Variants in ALPK2 observed in about 807,000 individuals in gnomAD.
ALPK2 encodes the protein alpha-protein kinase 2.
A neutral mutation model predicts 163.1 loss-of-function variants in ALPK2; 127 were observed. That is an observed-to-expected ratio of 0.78 (90% CI 0.67 to 0.90). ALPK2 has a LOEUF of 0.90. ALPK2 is among the 40% of genes least tolerant of loss of function. The pLI, the probability that ALPK2 is intolerant of heterozygous loss-of-function variation, is 0.00. For missense variants in ALPK2, 2,360 were observed against 2,589.6 expected (o/e 0.91, Z 1.92); for synonymous variants, 953 against 959.1 (o/e 0.99, Z 0.12).
At position 58,620,001 on chromosome 18, in the gene ALPK2, A is replaced by T. The variant is rs147630749; in HGVS notation, c.-20-8184T>A. On this transcript the variant is annotated intron_variant, in intron 1 of 12. Transcript: ENST00000361673. Reference sequence around the variant, plus strand: ...ACTGAGCAATAACAAAGAACAAACTATGGATACGGTGGGGCGCGGTGGCTC... The same window carrying T: ...ACTGAGCAATAACAAAGAACAAACTTTGGATACGGTGGGGCGCGGTGGCTC... Among the ~76,000 whole-genome samples the T allele has an allele frequency of 3.6e-3, 555 of 152,334 alleles. 3 individuals carry two copies. The highest frequency in any genetic ancestry group is 0.012 in the African/African-American group (511 of 41,586).
At chr18:58,565,354 T>G (rs2051846219) in intron 4 of ALPK2, among the ~76,000 whole-genome samples, 1 of 152,230 alleles carries the variant, frequency 6.6e-6, no homozygotes, top group Non-Finnish European at 1.5e-5. Context: ...TTTGCCAAAT[T>G]AATCTTACTG....
chr18:58,594,059 A>G (rs2052029482), intron 3 of ALPK2, among the ~76,000 whole-genome samples: 1 of 151,646 alleles, frequency 6.6e-6, no homozygotes. Flanking sequence ...ACTCAGAAGC[A>G]CTGAACTAAA....
At chr18:58,490,078 AAAG>A (rs1273938720) in intron 12 of ALPK2, among the ~76,000 whole-genome samples, 16 of 152,152 alleles carry the variant, frequency 1.1e-4, no homozygotes, top group Non-Finnish European at 8.8e-5. Flanking sequence ...CTCAAAAAAA[AAAG>A]AAAGAAAAAA....
intron 4 of ALPK2, among the ~76,000 whole-genome samples, chr18:58,563,818 C>T (rs1465692755): frequency 6.6e-6 from 1 of 152,212 alleles, no homozygotes; most frequent in African/African-American, 2.4e-5. Flanking sequence ...TGAAAAGACT[C>T]TTGTCCCGAT....
At chr18:58,623,745 C>G (rs6566988) in intron 1 of ALPK2, among the ~76,000 whole-genome samples, 14 of 152,186 alleles carry the variant, frequency 9.2e-5, no homozygotes, top group Non-Finnish European at 1.8e-4. Context: ...GGATTACAGG[C>G]GGCTCACGCC....
At chr18:58,517,728 T>G (rs1423838299) in intron 8 of ALPK2, among the ~76,000 whole-genome samples, 1 of 152,186 alleles carries the variant, frequency 6.6e-6, no homozygotes, top group Non-Finnish European at 1.5e-5. Flanking sequence ...TAACTTTTTT[T>G]TTGCCTCCCA....
intron 3 of ALPK2, among the ~76,000 whole-genome samples, chr18:58,602,933 T>C (rs2052078713): frequency 6.6e-6 from 1 of 152,206 alleles, no homozygotes; most frequent in Non-Finnish European, 1.5e-5. Context: ...ACCAGCACCA[T>C]GACAGTTTAC....
chr18:58,623,614 C>T (rs2052213728), intron 1 of ALPK2, among the ~76,000 whole-genome samples: 1 of 152,176 alleles, frequency 6.6e-6, no homozygotes, highest in African/African-American at 2.4e-5. Flanking sequence ...TACAGGCATG[C>T]ACCACCATGC....
intron 4 of ALPK2, chr18:58,557,101 A>C (rs549126269): frequency 6.6e-6 from 1 of 152,286 alleles, no homozygotes; most frequent in South Asian, 2.1e-4. Flanking sequence ...AGACCGTCCA[A>C]TGAGTGGCAT....
At chr18:58,506,512 A>C (rs1340746646) in intron 10 of ALPK2, among the ~76,000 whole-genome samples, 1 of 152,118 alleles carries the variant, frequency 6.6e-6, no homozygotes, top group Non-Finnish European at 1.5e-5. Context: ...AGCTTGTGAA[A>C]ACTGAAACAA....
At chr18:58,493,362 AC>A (rs144737413) in intron 12 of ALPK2, among the ~76,000 whole-genome samples, 1,852 of 151,818 alleles carry the variant, frequency 0.012, 34 homozygotes, top group African/African-American at 0.041. Flanking sequence ...CCACTCATGC[AC>A]ATAAGCCTAT....
intron 8 of ALPK2, among the ~76,000 whole-genome samples, chr18:58,521,650 A>G (rs796713680): frequency 7.9e-3 from 139 of 17,700 alleles, no homozygotes; most frequent in African/African-American, 0.023. Flanking sequence ...TTTTTTTGAG[A>G]TGGAGTCTTG....
chr18:58,543,147 C>T (rs1366393879), intron 4 of ALPK2, among the ~76,000 whole-genome samples: 2 of 152,106 alleles, frequency 1.3e-5, no homozygotes, highest in African/African-American at 2.4e-5. Context: ...CGTGCTTAGC[C>T]CCCTCGCCAT....
At chr18:58,517,726 T>A (rs2051529854) in intron 8 of ALPK2, among the ~76,000 whole-genome samples, 1 of 152,188 alleles carries the variant, frequency 6.6e-6, no homozygotes, top group South Asian at 2.1e-4. Flanking sequence ...AGTAACTTTT[T>A]TTTTGCCTCC....
chr18:58,511,352 C>A (rs545137094), intron 10 of ALPK2, among the ~76,000 whole-genome samples: 1 of 152,292 alleles, frequency 6.6e-6, no homozygotes, highest in East Asian at 1.9e-4. Flanking sequence ...ATTTAATAAA[C>A]TCTTTATTGC....
chr18:58,583,990 G>C (rs1234479930), intron 3 of ALPK2, among the ~76,000 whole-genome samples: 1 of 152,192 alleles, frequency 6.6e-6, no homozygotes, highest in African/African-American at 2.4e-5. Flanking sequence ...GGGGAGCAGA[G>C]ATGATTCTCA....
chr18:58,625,732 G>A (rs1275879718), intron 1 of ALPK2, among the ~76,000 whole-genome samples: 1 of 152,246 alleles, frequency 6.6e-6, no homozygotes, highest in African/African-American at 2.4e-5. Context: ...GGTGGGCTGT[G>A]CAGCCAGGAC....
intron 2 of ALPK2, among the ~76,000 whole-genome samples, chr18:58,610,017 G>A (rs2052119498): frequency 1.3e-5 from 2 of 152,144 alleles, no homozygotes; most frequent in Non-Finnish European, 1.5e-5. Flanking sequence ...GCTAGCGAAA[G>A]GCAGCCGTTT....
At position 58,607,304 on chromosome 18, in the gene ALPK2, A is replaced by G; in HGVS notation, c.227+18T>C. 6.5e-7 allele frequency: 1 copy of G among 1,546,508 alleles called. No individual in the cohort carries two copies. The highest frequency in any genetic ancestry group is 8.9e-7 in the Non-Finnish European group (1 of 1,123,180). On this transcript the variant is annotated intron_variant, in intron 3 of 12. Transcript: ENST00000361673. ...ATAAGGATATTAGTAAACAGTCCAC[A>G]GGGGTATAGCCACTTACCAAGAGAG... is the stretch of plus-strand genomic sequence containing the variant.
Sources: allele counts gnomAD v4.1 joint callset (sites outside exome capture counted in the v4.1 genomes callset), GRCh38; gene constraint gnomAD v4.1.1; transcripts MANE v1.5; gene names NCBI Gene and HGNC (gene_info 2026-07-23, HGNC 2026-07-21).